The following FN1 variants were observed in gnomAD, a reference collection of about 807,000 sequenced individuals.
The protein encoded by FN1 is fibronectin 1, also known as fibronectin.
Under a neutral mutation model 297.3 loss-of-function variants are expected in FN1, and 106 were observed. The ratio of observed to expected loss-of-function variants is 0.36; its 90% CI spans 0.30 to 0.42. FN1 has a LOEUF of 0.42. Among genes scored for constraint, FN1 ranks in the 10% least tolerant of loss-of-function variants. FN1 has a pLI of 1.00. For synonymous variants in FN1, 1,149 were observed against 1,152.6 expected (o/e 1.00, Z 0.06); for missense variants, 2,690 against 3,124.9 (o/e 0.86, Z 3.32).
rs2066577455 is a variant in FN1 at position 215,431,872 on chromosome 2, G to A, written c.508C>T (p.Leu170Phe). 2 of 1,613,956 alleles carry A rather than the reference G, an allele frequency of 1.2e-6. No individual in the cohort carries two copies. Among genetic ancestry groups the A allele is most frequent in the Non-Finnish European group, 1.7e-6 (2 of 1,180,012 alleles). ...GTCCATTCTCCTTTTCCATTACCAAGACACACACACTCTAACATGTAACCA... is the reference window on the plus strand; with the variant it reads ...GTCCATTCTCCTTTTCCATTACCAAAACACACACACTCTAACATGTAACCA... ...TGGYMLECVC[L>F]GNGKGEWTCK... The change falls in exon 4 of 46, where the codon CTT (leucine) becomes TTT (phenylalanine). Residue 170 changes from leucine (L) to phenylalanine (F), a missense_variant. This residue lies in a region of FN1 where 876 missense variants were observed against 1,058.1 expected (regional missense o/e 0.83). Transcript: ENST00000354785.
In FN1 at chr2:215,408,394, G is replaced by C; in HGVS notation, c.2332C>G (p.Pro778Ala). 1 of 1,614,120 alleles carries C rather than the reference G, an allele frequency of 6.2e-7. No homozygotes were observed. ...TATTTTCGGCCAGGAAGCAGGTCAG[G>C]GATGTTCACAGAAGTGGCTGTGCTT... ...LPSTATSVNI[P>A]DLLPGRKYIV... The change falls in exon 16 of 46, where the codon CCT (proline) becomes GCT (alanine). Residue 778 changes from proline to alanine, a missense_variant. Pro to Ala is a conservative substitution (Grantham distance 27). Around this residue, in one of 3 missense-constraint regions of FN1, gnomAD observed 876 missense variants for 1,058.1 expected, o/e 0.83. Coordinates refer to ENST00000354785, the MANE Select transcript of FN1 (RefSeq NM_212482.4).
intron 28 of FN1, among the ~76,000 whole-genome samples, chr2:215,385,567 G>GAGAAA (rs1553614325): frequency 8.8e-6 from 1 of 113,956 alleles, no homozygotes; most frequent in Non-Finnish European, 1.9e-5. Flanking sequence ...ATTTCAGGAA[G>GAGAAA]AAAAAAAAAA....
chr2:215,421,033 C>T (rs960554219), intron 10 of FN1: 41 of 497,262 alleles, frequency 8.2e-5, no homozygotes, highest in Middle Eastern at 1.2e-3. Context: ...GCAGAGGTTA[C>T]AGTATGCTCA....
In FN1 at chr2:215,408,203, A is replaced by C. The variant is rs1335284323; in HGVS notation, c.2429-6T>G. 1 of 1,565,214 alleles carries C rather than the reference A, an allele frequency of 6.4e-7. No homozygotes were observed. Among genetic ancestry groups the C allele is most frequent in the African/African-American group, 1.4e-5 (1 of 73,702 alleles). On this transcript the variant is annotated splice_polypyrimidine_tract_variant and splice_region_variant and intron_variant, in intron 16 of 45. Transcript: ENST00000354785. ...GTCAGGAGGGGCATCAGGCGCTAAGAAAGAAAGAAAGTGGGGCAAACAGTC... is the reference window on the plus strand; with the variant it reads ...GTCAGGAGGGGCATCAGGCGCTAAGCAAGAAAGAAAGTGGGGCAAACAGTC...
rs1271066449 is a variant in FN1, at chr2:215,428,312, T to A, written c.712A>T (p.Thr238Ser). Residue 238 changes from threonine (T) to serine (S), a missense_variant, in exon 6 of 46, where the codon ACA becomes TCA. Physicochemically the swap from Thr to Ser is moderately conservative, Grantham distance 58. Coordinates refer to ENST00000354785, the MANE Select transcript of FN1 (RefSeq NM_212482.4). Reference protein sequence around the residue: ...RNRCNDQDTRTSYRIGDTWSK... With the variant: ...RNRCNDQDTRSSYRIGDTWSK... ...CAGGTGTCTCCAATTCTATAGGATG[T>A]CCTTGTGTCCTGATCGTTGCATCTA... 5 of 1,614,070 alleles carry A rather than the reference T, an allele frequency of 3.1e-6. No homozygotes were observed. The highest frequency in any genetic ancestry group is 3.4e-6 in the Non-Finnish European group (4 of 1,180,012).
In FN1 at chr2:215,362,039, G is replaced by C; in HGVS notation, c.7292C>G (p.Pro2431Arg). ...CDNCRRPGGEPSPEGTTGQSY... is the reference protein window; with the variant it reads ...CDNCRRPGGERSPEGTTGQSY... ...CTGGCCAGTAGTGCCTTCGGGACTG[G>C]GTTCACCCCCAGGTCTGCGGCAGTT... is the stretch of plus-strand genomic sequence containing the variant. The change falls in exon 45 of 46, where the codon CCC becomes CGC. Residue 2431 changes from proline (P) to arginine (R), a missense_variant. Coordinates refer to ENST00000354785, the MANE Select transcript of FN1 (RefSeq NM_212482.4). The C allele has an allele frequency of 6.2e-7, 1 of 1,614,114 alleles. No homozygotes were observed. Among genetic ancestry groups the C allele is most frequent in the East Asian group, 2.2e-5 (1 of 44,882 alleles).
intron 15 of FN1, among the ~76,000 whole-genome samples, chr2:215,408,924 TCTC>T (rs570028204): frequency 1.3e-5 from 2 of 152,174 alleles, no homozygotes; most frequent in Non-Finnish European, 2.9e-5. Context: ...CTTTCTCCTT[TCTC>T]CTCCTCCTCC....
intron 20 of FN1, among the ~76,000 whole-genome samples, chr2:215,400,971 T>C (rs1372756055): frequency 6.6e-6 from 1 of 150,676 alleles, no homozygotes; most frequent in East Asian, 2.0e-4. Flanking sequence ...AATTTTTGTA[T>C]TTTTAGTAAA....
At chr2:215,361,910 A>T in intron 45 of FN1, 59 bp downstream of exon 45, 1 of 1,601,060 alleles carries the variant, frequency 6.2e-7, no homozygotes, top group Non-Finnish European at 8.5e-7. Context: ...GAAGAAAGAT[A>T]CCTGTAGAAA....
At position 215,379,493 on chromosome 2, in the gene FN1, G is replaced by A. The variant is rs2057897460; in HGVS notation, c.5435-176C>T. On this transcript the variant is annotated intron_variant, in intron 33 of 45. Coordinates refer to ENST00000354785, the MANE Select transcript of FN1 (RefSeq NM_212482.4). The stretch of plus-strand genomic sequence containing the variant: ...GTAAGGGATGCAAAATGAAGAAAGT[G>A]TTTGCTGAGAAATGTGTTTTATATC... 5 of 609,874 alleles carry A rather than the reference G, an allele frequency of 8.2e-6. No homozygotes were observed. In the South Asian group the frequency reaches 9.7e-5, roughly 12 times the overall value. 37.8% of individuals were successfully genotyped at this position (609,874 alleles called of 1,614,324 possible).
intron 12 of FN1, among the ~76,000 whole-genome samples, chr2:215,416,465 T>C (rs1327115061): frequency 1.3e-5 from 2 of 152,186 alleles, no homozygotes; most frequent in Non-Finnish European, 2.9e-5. Context: ...TAAAGACAAC[T>C]ATTCAAGAAA....
At position 215,408,152 on chromosome 2, in the gene FN1, G is replaced by A; in HGVS notation, c.2474C>T (p.Thr825Ile). 2.5e-6 allele frequency: 4 copies of A among 1,614,120 alleles called. No homozygotes were observed. Among genetic ancestry groups the A allele is most frequent in the South Asian group, 1.1e-5 (1 of 91,080 alleles). ...TCTGCTCCAGCGAACAACAATTGAG[G>A]TGTCATCAACTTGGTCCACAGTCGT... ...PDTTVDQVDD[T>I]SIVVRWSRPQ... Residue 825 changes from threonine (T) to isoleucine (I), a missense_variant, in exon 17 of 46, where the codon ACC becomes ATC. Physicochemically the swap from Thr to Ile is moderately conservative, Grantham distance 89. Transcript: ENST00000354785.
Position 215,397,128 on chromosome 2 carries a change from C to T in FN1, c.3604+9G>A, listed in dbSNP as rs79229169. On this transcript the variant is annotated intron_variant, in intron 23 of 45. Coordinates refer to ENST00000354785, the MANE Select transcript of FN1 (RefSeq NM_212482.4). ...TGTATACTTGCCCTCTGATCCATCCCAAACTTACCTGGGGTGGTGCTCCTC... is the reference window on the plus strand; with the variant it reads ...TGTATACTTGCCCTCTGATCCATCCTAAACTTACCTGGGGTGGTGCTCCTC... 1,926 of 1,603,200 alleles carry T rather than the reference C, an allele frequency of 1.2e-3. 16 individuals carry two copies. The African/African-American group carries it at 0.022, about 18-fold the overall frequency.
intron 5 of FN1, among the ~76,000 whole-genome samples, chr2:215,429,386 A>G (rs2066060453): frequency 6.6e-6 from 1 of 152,250 alleles, no homozygotes; most frequent in Non-Finnish European, 1.5e-5. Flanking sequence ...TATTTAAATT[A>G]TAATCCAAAT....
At chr2:215,382,937 T>C (rs1168551366) in intron 31 of FN1, among the ~76,000 whole-genome samples, 2 of 151,626 alleles carry the variant, frequency 1.3e-5, no homozygotes, top group African/African-American at 4.8e-5. Flanking sequence ...TAGCCATTTA[T>C]ATAAAAAAGA....
intron 12 of FN1, among the ~76,000 whole-genome samples, chr2:215,417,012 G>A (rs921577966): frequency 1.3e-4 from 20 of 152,168 alleles, no homozygotes; most frequent in Admixed American, 6.5e-5. Context: ...GAAGTAAAGA[G>A]ACTTTGTGTC....
At chr2:215,391,957 T>TA in intron 25 of FN1, 143 bp from the exon 26 acceptor site, 1 of 732,308 alleles carries the variant, frequency 1.4e-6, no homozygotes, top group East Asian at 2.7e-5. Flanking sequence ...AAGTCTATTT[T>TA]AAGTTATAGT....
At chr2:215,383,875 C>A in intron 30 of FN1, 145 bp downstream of exon 30, 2 of 875,562 alleles carry the variant, frequency 2.3e-6, no homozygotes, top group Non-Finnish European at 3.6e-6. Flanking sequence ...GCTCAAAACT[C>A]TGTTCGCTGC....
chr2:215,385,987 A>C (rs2058919596), intron 28 of FN1, among the ~76,000 whole-genome samples: 1 of 151,256 alleles, frequency 6.6e-6, no homozygotes, highest in African/African-American at 2.4e-5. Flanking sequence ...CATGTTGGCC[A>C]GGATGGTCTC....
Sources: gnomAD v4.1 joint callset for allele counts (sites outside exome capture counted in the v4.1 genomes callset) on GRCh38, gnomAD v4.1.1 for gene constraint, gnomAD v4.1.1 regional missense constraint, MANE v1.5 for transcripts, NCBI Gene and HGNC (gene_info 2026-07-23, HGNC 2026-07-21) for gene names.